The following SGCD variants were observed in gnomAD, a reference collection of about 807,000 sequenced individuals.
SGCD encodes sarcoglycan delta.
In SGCD, 18 loss-of-function variants were observed where a neutral mutation model predicts 36.6. That is an observed-to-expected ratio of 0.49 (90% CI 0.34 to 0.73). The LOEUF is 0.73. Ranked by LOEUF, SGCD falls within the 30% of genes least tolerant of loss-of-function variation. SGCD has a pLI of 0.01. For missense variants in SGCD, 387 were observed against 346.7 expected (o/e 1.12, Z -0.92); for synonymous variants, 133 against 130.6 (o/e 1.02, Z -0.12).
chr5:155,828,678 A>T, the SGCD span, among the ~76,000 whole-genome samples: 57 of 145,994 alleles, frequency 3.9e-4, no homozygotes, highest in African/African-American at 1.2e-3. Flanking sequence ...TTTACTTTTT[A>T]TTTTTTTTTT....
chr5:156,549,883 A>T (rs1040473800), intron 4 of SGCD, among the ~76,000 whole-genome samples: 1 of 152,234 alleles, frequency 6.6e-6, no homozygotes, highest in African/African-American at 2.4e-5. Flanking sequence ...GAAATTTACC[A>T]TTTCATAGAA....
chr5:156,720,235 G>A (rs959958636), intron 7 of SGCD, among the ~76,000 whole-genome samples: 5 of 152,142 alleles, frequency 3.3e-5, no homozygotes, highest in African/African-American at 1.2e-4. Flanking sequence ...GATGCAACAG[G>A]CCATATAACT....
intron 4 of SGCD, among the ~76,000 whole-genome samples, chr5:156,585,753 C>G (rs1300412285): frequency 6.6e-6 from 1 of 152,110 alleles, no homozygotes; most frequent in East Asian, 1.9e-4. Flanking sequence ...ATCATGTGTT[C>G]ACAGTGTATC....
intron 1 of SGCD, among the ~76,000 whole-genome samples, chr5:156,069,499 C>A (rs968944546): frequency 6.6e-6 from 1 of 152,030 alleles, no homozygotes; most frequent in African/African-American, 2.4e-5. Flanking sequence ...ATTTTGGTAC[C>A]AGTACCGTGC....
chr5:155,845,916 C>A, the SGCD span, among the ~76,000 whole-genome samples: 2 of 152,150 alleles, frequency 1.3e-5, no homozygotes, highest in Non-Finnish European at 2.9e-5. Context: ...GTGCCACATG[C>A]TCATTTTTCT....
At chr5:156,710,035 G>A (rs1754918813) in intron 7 of SGCD, among the ~76,000 whole-genome samples, 1 of 152,068 alleles carries the variant, frequency 6.6e-6, no homozygotes, top group East Asian at 1.9e-4. Flanking sequence ...GCAGCTGTGG[G>A]ATCTTGGGAG....
At chr5:156,749,251 A>G (rs575265077) in intron 7 of SGCD, among the ~76,000 whole-genome samples, 8 of 152,298 alleles carry the variant, frequency 5.3e-5, no homozygotes, top group African/African-American at 1.9e-4. Context: ...AGTCATACTA[A>G]AATTAGAAAA....
chr5:155,857,310 AG>A, the SGCD span, among the ~76,000 whole-genome samples: 2 of 152,212 alleles, frequency 1.3e-5, no homozygotes, highest in Non-Finnish European at 2.9e-5. Flanking sequence ...GTTTACCAAA[AG>A]GAGATCAAAA....
At chr5:156,520,250 T>G (rs1015345392) in intron 4 of SGCD, among the ~76,000 whole-genome samples, 1 of 150,390 alleles carries the variant, frequency 6.6e-6, no homozygotes, top group African/African-American at 2.4e-5. Flanking sequence ...AAATCATGAA[T>G]GAACTCCCAT....
the SGCD span, among the ~76,000 whole-genome samples, chr5:155,787,978 T>C: frequency 6.6e-6 from 1 of 152,166 alleles, no homozygotes; most frequent in South Asian, 2.1e-4. Flanking sequence ...AAATCCTCTT[T>C]TAGAACATTT....
At chr5:156,491,093 C>A (rs1304078955) in intron 3 of SGCD, among the ~76,000 whole-genome samples, 1 of 151,648 alleles carries the variant, frequency 6.6e-6, no homozygotes, top group Admixed American at 6.6e-5. Flanking sequence ...ATAATTGCTA[C>A]CAATAAAAAA....
intron 3 of SGCD, among the ~76,000 whole-genome samples, chr5:156,231,368 C>T (rs1247082377): frequency 6.6e-6 from 1 of 152,080 alleles, no homozygotes; most frequent in Non-Finnish European, 1.5e-5. Context: ...AACCCCATCT[C>T]TACTAAAAAT....
chr5:156,105,691 T>C (rs192135012), intron 1 of SGCD, among the ~76,000 whole-genome samples: 156 of 152,268 alleles, frequency 1.0e-3, no homozygotes, highest in African/African-American at 3.7e-3. Flanking sequence ...CCAAGCACCA[T>C]TTATATATTT....
At chr5:156,410,535 A>AT (rs1390231511) in intron 3 of SGCD, among the ~76,000 whole-genome samples, 6 of 152,184 alleles carry the variant, frequency 3.9e-5, no homozygotes, top group Non-Finnish European at 7.4e-5. Flanking sequence ...AGTTGGAATT[A>AT]TTTTTTTAAA....
chr5:156,620,057 A>G lies in SGCD; in HGVS notation c.502+25006A>G, dbSNP rs561523628. On this transcript the variant is annotated intron_variant, in intron 6 of 8. Coordinates refer to ENST00000337851, the MANE Select transcript of SGCD (RefSeq NM_000337.6). ...CAAAGTTTCTCCCCTTTAGAACAGT[A>G]GTATACGTCAGCAGAATAAGTGAGT... Among the ~76,000 whole-genome samples the G allele has an allele frequency of 7.9e-5, 12 of 152,328 alleles. No individual in the cohort carries two copies. In the East Asian group the frequency reaches 1.9e-3, roughly 24 times the overall value.
At chr5:156,654,116 T>G (rs1194291448) in intron 7 of SGCD, among the ~76,000 whole-genome samples, 8 of 152,054 alleles carry the variant, frequency 5.3e-5, no homozygotes, top group African/African-American at 1.9e-4. Flanking sequence ...TAATAAAAAT[T>G]TTACTTTAAT....
chr5:155,944,380 A>T (rs1359208385), intron 1 of SGCD, among the ~76,000 whole-genome samples: 1 of 152,192 alleles, frequency 6.6e-6, no homozygotes, highest in African/African-American at 2.4e-5. Flanking sequence ...CCAGACAATG[A>T]CTAGGCATGT....
intron 4 of SGCD, among the ~76,000 whole-genome samples, chr5:156,513,207 G>A (rs372859525): frequency 2.6e-5 from 4 of 152,202 alleles, no homozygotes; most frequent in African/African-American, 9.7e-5. Flanking sequence ...TTTAAGCACA[G>A]AGGTTATTGC....
chr5:156,535,739 A>G (rs892955391), intron 4 of SGCD, among the ~76,000 whole-genome samples: 3 of 152,168 alleles, frequency 2.0e-5, no homozygotes, highest in African/African-American at 7.2e-5. Context: ...TTTCTGTTCA[A>G]TTCTGTCTAT....
Sources: allele counts gnomAD v4.1 joint callset (sites outside exome capture counted in the v4.1 genomes callset), GRCh38; gene constraint gnomAD v4.1.1; transcripts MANE v1.5; gene names NCBI Gene and HGNC (gene_info 2026-07-23, HGNC 2026-07-21).